PPP1CB: variants seen among roughly 807,000 people sequenced by gnomAD.
The protein encoded by PPP1CB is serine/threonine-protein phosphatase PP1-beta catalytic subunit.
Under a neutral mutation model 43.7 loss-of-function variants are expected in PPP1CB, and 2 were observed. The ratio of observed to expected loss-of-function variants is 0.05; its 90% CI spans 0.02 to 0.14. PPP1CB has a LOEUF of 0.14. Among genes scored for constraint, PPP1CB ranks in the 10% least tolerant of loss-of-function variants. The pLI, the probability that PPP1CB is intolerant of heterozygous loss-of-function variation, is 1.00. For missense variants in PPP1CB, 84 were observed against 398.0 expected (o/e 0.21, Z 6.71); for synonymous variants, 136 against 135.6 (o/e 1.00, Z -0.02).
chr2:28,755,985 C>T lies in PPP1CB; in HGVS notation c.52+3809C>T, dbSNP rs539174616. ...TGTAATTCCACAATCCAGAGATAAC[C>T]GTTGTTGAAATTTTGATATATTTTT... On this transcript the variant is annotated intron_variant, in intron 1 of 7. Coordinates refer to ENST00000395366, the MANE Select transcript of PPP1CB (RefSeq NM_002709.3). Among the ~76,000 whole-genome samples the T allele has an allele frequency of 4.6e-5, 7 of 152,222 alleles. 1 individual carries two copies. The South Asian group carries it at 8.3e-4, about 18-fold the overall frequency.
chr2:28,785,576 C>T (rs1427655780), intron 5 of PPP1CB, among the ~76,000 whole-genome samples: 2 of 152,002 alleles, frequency 1.3e-5, no homozygotes, highest in African/African-American at 4.8e-5. Flanking sequence ...GTTTGGGAGG[C>T]CAAGGCAGGA....
intron 5 of PPP1CB, 27 bp from the exon 6 acceptor site, chr2:28,788,631 T>A (rs1327654467): frequency 6.2e-7 from 1 of 1,604,156 alleles, no homozygotes. Context: ...ATTTTGTTCT[T>A]AATTGCTGTA....
intron 1 of PPP1CB, among the ~76,000 whole-genome samples, chr2:28,758,855 T>G (rs1454506307): frequency 6.6e-6 from 1 of 152,242 alleles, no homozygotes; most frequent in Non-Finnish European, 1.5e-5. Context: ...CCAGAGGGAA[T>G]AGCGTTTGCT....
At chr2:28,789,256 C>T (rs1205463141) in intron 6 of PPP1CB, among the ~76,000 whole-genome samples, 1 of 151,928 alleles carries the variant, frequency 6.6e-6, no homozygotes, top group East Asian at 1.9e-4. Context: ...TCTATAATCC[C>T]AGCACTTTGG....
intron 1 of PPP1CB, among the ~76,000 whole-genome samples, chr2:28,772,354 A>G (rs1666933037): frequency 6.6e-6 from 1 of 152,178 alleles, no homozygotes; most frequent in Non-Finnish European, 1.5e-5. Flanking sequence ...AATCAAATTA[A>G]ATCCAACGAA....
chr2:28,760,544 CACA>C (rs1311390551), intron 1 of PPP1CB, among the ~76,000 whole-genome samples: 1 of 152,162 alleles, frequency 6.6e-6, no homozygotes, highest in African/African-American at 2.4e-5. Flanking sequence ...GTGATGTTTG[CACA>C]ACAACAAAAT....
rs921576054 is a variant in PPP1CB, at chr2:28,778,966, A to G, written c.342A>G (p.Pro114=). Residue 114 remains proline, a synonymous_variant, in exon 3 of 8, where the codon CCA becomes CCG. Transcript: ENST00000395366. ...TATTGGCTTATAAAATCAAATATCC[A>G]GAGAACTTCTTTCTCTTAAGAGGAA... The part of the protein sequence containing the change: ...CLLLAYKIKY[P]ENFFLLRGNH... 1.9e-6 allele frequency: 3 copies of G among 1,612,572 alleles called. No homozygotes were observed. The Admixed American group carries it at 5.0e-5, about 27-fold the overall frequency.
rs924612226 is a variant in PPP1CB at position 28,767,332 on chromosome 2, C to T, written c.53-9519C>T. ...AATTGGGAATGCTGTGGTGAGTGCTCCATCTGGTAACATCAGTATATGTTG... is the reference window on the plus strand; with the variant it reads ...AATTGGGAATGCTGTGGTGAGTGCTTCATCTGGTAACATCAGTATATGTTG... On this transcript the variant is annotated intron_variant, in intron 1 of 7. Coordinates refer to ENST00000395366, the MANE Select transcript of PPP1CB (RefSeq NM_002709.3). Among the ~76,000 whole-genome samples the T allele has an allele frequency of 2.6e-5, 4 of 152,088 alleles. No individual in the cohort carries two copies. The South Asian group carries it at 8.3e-4, about 32-fold the overall frequency.
intron 3 of PPP1CB, among the ~76,000 whole-genome samples, chr2:28,780,084 C>CTTT (rs10559224): frequency 8.7e-4 from 115 of 131,804 alleles, no homozygotes; most frequent in East Asian, 3.3e-3. Flanking sequence ...TCTTTTCTTT[C>CTTT]TTTTTTTTTT....
At position 28,778,660 on chromosome 2, in the gene PPP1CB, A is replaced by T. The variant is rs544316197; in HGVS notation, c.185-149A>T. The T allele has an allele frequency of 5.0e-6, 3 of 599,154 alleles. No individual in the cohort carries two copies. In the African/African-American group the frequency reaches 5.6e-5, roughly 11 times the overall value. 37.1% of individuals were successfully genotyped at this position (599,154 alleles called of 1,614,324 possible). A position where few individuals can be genotyped will look rare whatever the true frequency, so the allele number is the denominator to read the frequency against. ...AATCTTGGAAGTGACAGCCCATCTCACTTTCGCTTATTAGAAGTAAGTCAC... is the reference window on the plus strand; with the variant it reads ...AATCTTGGAAGTGACAGCCCATCTCTCTTTCGCTTATTAGAAGTAAGTCAC... On this transcript the variant is annotated intron_variant, in intron 2 of 7. Coordinates refer to ENST00000395366, the MANE Select transcript of PPP1CB (RefSeq NM_002709.3).
chr2:28,788,555 A>G (rs2148056772), intron 5 of PPP1CB, 103 bp from the exon 6 acceptor site: 3 of 1,272,442 alleles, frequency 2.4e-6, no homozygotes, highest in East Asian at 2.3e-5. Context: ...TTGTTTAGTA[A>G]AAGGTAAGAG....
At chr2:28,763,297 C>T (rs1003665660) in intron 1 of PPP1CB, among the ~76,000 whole-genome samples, 10 of 152,134 alleles carry the variant, frequency 6.6e-5, no homozygotes, top group African/African-American at 2.4e-4. Context: ...CATGAAGCTG[C>T]CTTTTTTGTG....
At position 28,802,772 on chromosome 2, in the gene PPP1CB, C is replaced by A. The variant is rs780911707; in HGVS notation, c.*3469C>A. 4 of 152,142 alleles carry A rather than the reference C, an allele frequency of 2.6e-5. No individual in the cohort carries two copies. Among genetic ancestry groups the A allele is most frequent in the African/African-American group, 7.2e-5 (3 of 41,426 alleles). The allele number at this position is 152,142 out of a possible 1,614,324, so 9.4% of individuals were successfully genotyped here. A position where few individuals can be genotyped will look rare whatever the true frequency, so the allele number is the denominator to read the frequency against. ...CATGTACATTTGAATGCCAGAATTT[C>A]TAAATAAATCCCCTGGTTAGGAAAT... On this transcript the variant is annotated 3_prime_UTR_variant, in exon 8 of 8. Transcript: ENST00000395366.
chr2:28,788,306 T>G (rs1391952704), intron 5 of PPP1CB, among the ~76,000 whole-genome samples: 1 of 152,210 alleles, frequency 6.6e-6, no homozygotes, highest in Non-Finnish European at 1.5e-5. Flanking sequence ...AAGGATGAAC[T>G]GTTGAGGAAA....
upstream of PPP1CB, chr2:28,751,794 C>T (rs1054003920): frequency 2.1e-5 from 9 of 419,174 alleles, no homozygotes; most frequent in South Asian, 1.5e-4. Flanking sequence ...GTGAGTGGCG[C>T]TGCGGGTGGG....
chr2:28,774,533 C>G (rs1370461847), intron 1 of PPP1CB, among the ~76,000 whole-genome samples: 1 of 152,070 alleles, frequency 6.6e-6, no homozygotes, highest in Non-Finnish European at 1.5e-5. Context: ...TCAAGGAGTT[C>G]TCCTGCCTCA....
intron 7 of PPP1CB, among the ~76,000 whole-genome samples, chr2:28,797,599 C>A (rs1667522281): frequency 6.6e-6 from 1 of 151,962 alleles, no homozygotes; most frequent in Non-Finnish European, 1.5e-5. Flanking sequence ...TGAATGTATT[C>A]ATTTATTCTA....
At chr2:28,774,063 G>C (rs1484913188) in intron 1 of PPP1CB, among the ~76,000 whole-genome samples, 1 of 152,196 alleles carries the variant, frequency 6.6e-6, no homozygotes, top group East Asian at 1.9e-4. Context: ...TTTAGTTTCT[G>C]TGGATTTGCT....
At chr2:28,758,202 A>G (rs1666535793) in intron 1 of PPP1CB, among the ~76,000 whole-genome samples, 3 of 151,702 alleles carry the variant, frequency 2.0e-5, no homozygotes, top group Non-Finnish European at 2.9e-5. Context: ...TGCACCACTA[A>G]TTAAAAAAAA....
Sources: gnomAD v4.1 joint callset for allele counts (sites outside exome capture counted in the v4.1 genomes callset) on GRCh38, gnomAD v4.1.1 for gene constraint, MANE v1.5 for transcripts, NCBI Gene and HGNC (gene_info 2026-07-23, HGNC 2026-07-21) for gene names.